Variants in SI observed in about 807,000 individuals in gnomAD.
The protein encoded by SI is sucrase-isomaltase, intestinal.
A neutral mutation model predicts 253.3 loss-of-function variants in SI; 235 were observed. The ratio of observed to expected loss-of-function variants is 0.93; its 90% CI spans 0.83 to 1.03. The LOEUF is 1.03. Ranked by LOEUF, SI falls within the 50% of genes least tolerant of loss-of-function variation. The pLI, the probability that SI is intolerant of heterozygous loss-of-function variation, is 0.00. For missense variants in SI, 2,442 were observed against 2,211.1 expected, an observed-to-expected ratio of 1.10 and a Z score of -2.09; for synonymous variants, 819 against 712.0, an observed-to-expected ratio of 1.15 and a Z score of -2.39.
intron 13 of SI, among the ~76,000 whole-genome samples, chr3:165,052,334 C>T (rs1713474019): frequency 1.3e-5 from 2 of 152,064 alleles, no homozygotes; most frequent in Non-Finnish European, 2.9e-5. Context: ...GCAAAAGCCT[C>T]AGTGGACTGA....
At chr3:165,077,319 A>G (rs1390902096) in intron 1 of SI, among the ~76,000 whole-genome samples, 2 of 151,680 alleles carry the variant, frequency 1.3e-5, no homozygotes, top group Non-Finnish European at 3.0e-5. Context: ...CAGTTAATCT[A>G]GCCTTTCTTC....
chr3:165,016,029 T>G lies in SI; in HGVS notation c.3811A>C (p.Ile1271Leu). 1.9e-6 allele frequency: 3 copies of G among 1,612,428 alleles called. No individual in the cohort carries two copies. Among genetic ancestry groups the G allele is most frequent in the Non-Finnish European group, 2.5e-6 (3 of 1,178,656 alleles). The change falls in exon 32 of 48, where the codon ATT becomes CTT. Residue 1271 changes from isoleucine (I) to leucine (L), a missense_variant. Physicochemically the swap from Ile to Leu is conservative, Grantham distance 5. Transcript: ENST00000264382. Reference protein sequence around the residue: ...DYMERQLDFTIGEAFQDLPQF... With the variant: ...DYMERQLDFTLGEAFQDLPQF... ...GGAAGGTCCTGGAATGCTTCACCAA[T>G]TGTAAAGTCTAGCTGCCTTTCCATG... is the stretch of plus-strand genomic sequence containing the variant.
chr3:165,019,528 G>T, intron 28 of SI, 74 bp downstream of exon 28: 2 of 1,279,346 alleles, frequency 1.6e-6, no homozygotes, highest in Non-Finnish European at 2.3e-6. Flanking sequence ...TAAAGCACAG[G>T]CCCATAAAGA....
At chr3:165,056,579 GGAGA>G (rs1175684851) in intron 12 of SI, among the ~76,000 whole-genome samples, 2 of 152,138 alleles carry the variant, frequency 1.3e-5, no homozygotes, top group African/African-American at 2.4e-5. Flanking sequence ...CATGGTGCAT[GGAGA>G]GAGAATCTGT....
At chr3:165,023,015 TG>T (rs756546376) in intron 26 of SI, among the ~76,000 whole-genome samples, 32 of 151,590 alleles carry the variant, frequency 2.1e-4, no homozygotes, top group Non-Finnish European at 3.5e-4. Context: ...TAATGAGATT[TG>T]TTGCCATTTC....
intron 17 of SI, among the ~76,000 whole-genome samples, chr3:165,041,521 T>C (rs12632092): frequency 0.58 from 87,955 of 151,768 alleles, 25,894 homozygotes; most frequent in East Asian, 0.81. Context: ...GATGTTATTA[T>C]ATGTGACACA....
chr3:165,083,056 G>T (rs1715392548), upstream of SI, among the ~76,000 whole-genome samples: 1 of 151,858 alleles, frequency 6.6e-6, no homozygotes, highest in South Asian at 2.1e-4. Context: ...TATATCATTG[G>T]TAATAAAACA....
chr3:164,995,029 G>A (rs1308050770), intron 40 of SI, among the ~76,000 whole-genome samples: 1 of 151,692 alleles, frequency 6.6e-6, no homozygotes, highest in African/African-American at 2.4e-5. Context: ...GCACATATTA[G>A]TTAAAAAATA....
At chr3:165,059,808 A>G in intron 10 of SI, 94 bp downstream of exon 10, 4 of 1,239,944 alleles carry the variant, frequency 3.2e-6, no homozygotes, top group Middle Eastern at 2.0e-4. Flanking sequence ...GATATAATGT[A>G]TATAGTAGAT....
At chr3:165,022,759 T>C (rs1055493838) in intron 26 of SI, among the ~76,000 whole-genome samples, 3 of 151,708 alleles carry the variant, frequency 2.0e-5, no homozygotes, top group Non-Finnish European at 4.4e-5. Flanking sequence ...AGGTGTTTAT[T>C]TTTTCAGACA....
intron 17 of SI, 55 bp downstream of exon 17, chr3:165,043,004 A>G (rs1712924151): frequency 3.9e-6 from 4 of 1,025,796 alleles, no homozygotes; most frequent in Non-Finnish European, 6.2e-6. Context: ...TAAGTACATT[A>G]ATAAAAACTA....
rs757893762 is a variant in SI, at chr3:165,017,874, C to A, written c.3521-1G>T. The A allele has an allele frequency of 4.4e-6, 7 of 1,608,864 alleles. No homozygotes were observed. The highest frequency in any genetic ancestry group is 6.0e-6 in the Non-Finnish European group (7 of 1,175,832). ...GCAGGAGTTGGCTGGAATGTAACAT[C>A]TGGAAATCCAAAATAACATCCCATT... On this transcript the variant is annotated splice_acceptor_variant, in intron 29 of 47. Transcript: ENST00000264382. LOFTEE classifies it high-confidence loss of function.
chr3:165,066,194 GA>G (rs1199749876), intron 6 of SI, among the ~76,000 whole-genome samples: 6 of 151,790 alleles, frequency 4.0e-5, no homozygotes, highest in Non-Finnish European at 7.4e-5. Context: ...AAGTAATCTA[GA>G]AATGATTTAA....
At position 164,996,588 on chromosome 3, in the gene SI, G is replaced by T. The variant is rs763589746; in HGVS notation, c.4639C>A (p.Gln1547Lys). Reference protein sequence around the residue: ...SEYHLCTRWMQLGAFYPYSRN... With the variant: ...SEYHLCTRWMKLGAFYPYSRN... ...GAGTATGGATAAAATGCTCCAAGTT[G>T]CATCCAGCGGGTACAGAGATGATAT... The change falls in exon 40 of 48, where the codon CAA (glutamine) becomes AAA (lysine). Residue 1547 changes from glutamine to lysine, a missense_variant. Physicochemically the swap from Gln to Lys is moderately conservative, Grantham distance 53. Transcript: ENST00000264382. 6.2e-7 allele frequency: 1 copy of T among 1,609,686 alleles called. No individual in the cohort carries two copies. The highest frequency in any genetic ancestry group is 8.5e-7 in the Non-Finnish European group (1 of 1,176,634).
At chr3:165,027,437 C>T (rs1208158791) in intron 25 of SI, among the ~76,000 whole-genome samples, 1 of 151,116 alleles carries the variant, frequency 6.6e-6, no homozygotes, top group African/African-American at 2.4e-5. Context: ...AGAGGGAATC[C>T]CCCCTAAATT....
intron 14 of SI, 108 bp downstream of exon 14, chr3:165,049,683 T>C: frequency 1.4e-6 from 1 of 703,518 alleles, no homozygotes. Flanking sequence ...TTTATGGTTT[T>C]AGAACTATAC....
intron 13 of SI, among the ~76,000 whole-genome samples, chr3:165,054,092 G>A (rs912758182): frequency 6.6e-6 from 1 of 152,040 alleles, no homozygotes; most frequent in Non-Finnish European, 1.5e-5. Flanking sequence ...CAACATGTCT[G>A]ATAGATACAT....
At chr3:165,026,008 G>T (rs907752702) in intron 25 of SI, among the ~76,000 whole-genome samples, 41 of 151,178 alleles carry the variant, frequency 2.7e-4, no homozygotes, top group African/African-American at 9.7e-4. Flanking sequence ...AAAGTAAATG[G>T]CCTAAATGCT....
At chr3:165,065,757 T>C (rs1211181855) in intron 6 of SI, among the ~76,000 whole-genome samples, 2 of 151,650 alleles carry the variant, frequency 1.3e-5, no homozygotes, top group East Asian at 3.9e-4. Context: ...TTTTTAGGGA[T>C]CACAAACTGG....
Sources: gnomAD v4.1 joint callset for allele counts (sites outside exome capture counted in the v4.1 genomes callset) on GRCh38, gnomAD v4.1.1 for gene constraint, MANE v1.5 for transcripts, NCBI Gene and HGNC (gene_info 2026-07-23, HGNC 2026-07-21) for gene names.